Variants in CSMD1 observed in about 807,000 individuals in gnomAD.
CSMD1 encodes CUB and sushi domain-containing protein 1.
In CSMD1, 213 loss-of-function variants were observed where a neutral mutation model predicts 417.5. The observed-to-expected ratio is 0.51, with a 90% CI of 0.46 to 0.57. The LOEUF (loss-of-function observed/expected upper bound fraction) is 0.57, where lower values mean the gene tolerates loss of function less well. CSMD1 is among the 20% of genes least tolerant of loss of function. CSMD1 has a pLI of 0.00. For synonymous variants in CSMD1, 2,862 were observed against 1,736.8 expected (o/e 1.65, Z -16.11); for missense variants, 6,923 against 4,529.7 (o/e 1.53, Z -15.17).
chr8:3,404,271 G>A (rs549671296), intron 15 of CSMD1, among the ~76,000 whole-genome samples: 1 of 151,854 alleles, frequency 6.6e-6, no homozygotes, highest in East Asian at 1.9e-4. Context: ...GGAGGCGGAG[G>A]TTGCAGTGAG....
intron 49 of CSMD1, among the ~76,000 whole-genome samples, chr8:3,054,041 G>C (rs564733701): frequency 2.0e-5 from 3 of 152,084 alleles, no homozygotes; most frequent in Non-Finnish European, 4.4e-5. Context: ...CTAACCTAAG[G>C]TGACACAATG....
At chr8:4,425,428 G>T (rs1447438958) in intron 2 of CSMD1, among the ~76,000 whole-genome samples, 2 of 151,620 alleles carry the variant, frequency 1.3e-5, no homozygotes, top group African/African-American at 4.8e-5. Flanking sequence ...CAGGGATGCG[G>T]AAGGATGAGT....
intron 2 of CSMD1, among the ~76,000 whole-genome samples, chr8:4,484,404 T>C (rs946171041): frequency 6.6e-6 from 1 of 152,052 alleles, no homozygotes; most frequent in African/African-American, 2.4e-5. Flanking sequence ...ACGAACTATA[T>C]CAGAACCAGA....
chr8:3,207,364 C>T (rs902867803), intron 30 of CSMD1, among the ~76,000 whole-genome samples: 3 of 150,810 alleles, frequency 2.0e-5, no homozygotes, highest in Non-Finnish European at 2.9e-5. Flanking sequence ...AGGCTGGTCT[C>T]GAACTCCTGA....
At chr8:4,192,293 C>A (rs1415471624) in intron 3 of CSMD1, among the ~76,000 whole-genome samples, 1 of 152,158 alleles carries the variant, frequency 6.6e-6, no homozygotes, top group Non-Finnish European at 1.5e-5. Context: ...TTAATAGTTT[C>A]ATAAAGTATG....
intron 3 of CSMD1, among the ~76,000 whole-genome samples, chr8:4,058,552 C>T (rs1261174048): frequency 6.6e-6 from 1 of 151,906 alleles, no homozygotes; most frequent in East Asian, 1.9e-4. Context: ...ATTGCCCTGG[C>T]CAGAACTTCC....
chr8:3,959,942 T>C (rs1563255848), intron 5 of CSMD1, among the ~76,000 whole-genome samples: 1 of 152,244 alleles, frequency 6.6e-6, no homozygotes, highest in Non-Finnish European at 1.5e-5. Flanking sequence ...ACTAGCCATT[T>C]GATCATGTGG....
intron 52 of CSMD1, among the ~76,000 whole-genome samples, chr8:3,002,991 A>T (rs1415423701): frequency 6.6e-6 from 1 of 152,232 alleles, no homozygotes; most frequent in African/African-American, 2.4e-5. Context: ...GCTTCCTAAT[A>T]CAGAACAATT....
intron 1 of CSMD1, among the ~76,000 whole-genome samples, chr8:4,832,118 G>A (rs1274994379): frequency 6.6e-6 from 1 of 152,116 alleles, no homozygotes; most frequent in Non-Finnish European, 1.5e-5. Flanking sequence ...ACTGTTCACT[G>A]AACTGGCATG....
chr8:3,252,919 C>G (rs1056672078), intron 26 of CSMD1, among the ~76,000 whole-genome samples: 39 of 152,086 alleles, frequency 2.6e-4, no homozygotes, highest in African/African-American at 9.4e-4. Context: ...TTACCTTTAT[C>G]ATTTTTTATT....
chr8:4,445,755 C>T (rs1198172840), intron 2 of CSMD1, among the ~76,000 whole-genome samples: 1 of 150,952 alleles, frequency 6.6e-6, no homozygotes, highest in African/African-American at 2.4e-5. Flanking sequence ...AATAGACGGT[C>T]CTGAGAATCT....
chr8:4,187,759 A>G (rs1365283484), intron 3 of CSMD1, among the ~76,000 whole-genome samples: 1 of 152,012 alleles, frequency 6.6e-6, no homozygotes, highest in Non-Finnish European at 1.5e-5. Context: ...TCAGAGAAAT[A>G]TATTTCACTC....
At chr8:3,381,232 G>A (rs909754446) in intron 18 of CSMD1, among the ~76,000 whole-genome samples, 4 of 151,510 alleles carry the variant, frequency 2.6e-5, no homozygotes, top group Non-Finnish European at 5.9e-5. Context: ...AACTTGACAA[G>A]CCCCATGTCG....
chr8:4,943,009 G>A (rs1027385789), intron 1 of CSMD1, among the ~76,000 whole-genome samples: 2 of 152,172 alleles, frequency 1.3e-5, no homozygotes, highest in African/African-American at 2.4e-5. Flanking sequence ...GGACTCTGTT[G>A]AGAGTATGGC....
chr8:4,462,002 A>G (rs1799865040), intron 2 of CSMD1, among the ~76,000 whole-genome samples: 1 of 151,758 alleles, frequency 6.6e-6, no homozygotes, highest in Non-Finnish European at 1.5e-5. Context: ...CGGCCTCCCA[A>G]ATTGCTGGGA....
intron 3 of CSMD1, among the ~76,000 whole-genome samples, chr8:4,274,824 C>G (rs182520195): frequency 6.6e-6 from 1 of 152,064 alleles, no homozygotes; most frequent in Non-Finnish European, 1.5e-5. Context: ...TTTATGACTG[C>G]TTTGCTTTGA....
At chr8:4,839,761 C>G (rs1800726632) in intron 1 of CSMD1, among the ~76,000 whole-genome samples, 1 of 152,138 alleles carries the variant, frequency 6.6e-6, no homozygotes, top group South Asian at 2.1e-4. Flanking sequence ...TTTTAAAAAC[C>G]TTCCACAGAA....
At chr8:3,770,392 G>A (rs1038393709) in intron 5 of CSMD1, among the ~76,000 whole-genome samples, 18 of 152,206 alleles carry the variant, frequency 1.2e-4, no homozygotes, top group African/African-American at 3.6e-4. Flanking sequence ...AGCCAGGCAC[G>A]GTGGTGCGTG....
chr8:4,822,822 T>C (rs1799595808), intron 1 of CSMD1, among the ~76,000 whole-genome samples: 1 of 152,064 alleles, frequency 6.6e-6, no homozygotes, highest in Admixed American at 6.6e-5. Context: ...GATGAAACCA[T>C]ATGTATTTTG....
Sources: gnomAD v4.1 joint callset for allele counts (sites outside exome capture counted in the v4.1 genomes callset) on GRCh38, gnomAD v4.1.1 for gene constraint, MANE v1.5 for transcripts, NCBI Gene and HGNC (gene_info 2026-07-23, HGNC 2026-07-21) for gene names.